Variants in AQP7B observed in about 807,000 individuals in gnomAD.
AQP7B encodes aquaporin 7B.
the AQP7B span, among the ~76,000 whole-genome samples, chr2:94,597,876 A>G: frequency 6.6e-6 from 1 of 152,112 alleles, no homozygotes; most frequent in Non-Finnish European, 1.5e-5. Context: ...AAGTGCTGGG[A>G]TTACAGGCAT....
At chr2:94,590,665 G>A in the AQP7B span, among the ~76,000 whole-genome samples, 2 of 152,078 alleles carry the variant, frequency 1.3e-5, no homozygotes, top group African/African-American at 4.8e-5. Context: ...GTAAGCCACC[G>A]GGCATGGTGG....
chr2:94,602,687 A>G, the AQP7B span: 1 of 1,446,660 alleles, frequency 6.9e-7, no homozygotes, highest in East Asian at 2.3e-5. Flanking sequence ...TGCCCACCTC[A>G]GCCAGCTCCT....
chr2:94,603,351 G>T, the AQP7B span: 1 of 1,580,100 alleles, frequency 6.3e-7, no homozygotes, highest in Middle Eastern at 1.7e-4. Flanking sequence ...TTAGTTGGGG[G>T]CAGGTTCGCA....
chr2:94,594,037 C>A, the AQP7B span, among the ~76,000 whole-genome samples: 1 of 152,154 alleles, frequency 6.6e-6, no homozygotes, highest in East Asian at 1.9e-4. Flanking sequence ...CTACTATGTG[C>A]CTGGCATGGT....
chr2:94,604,489 C>T, the AQP7B span: 18 of 1,610,868 alleles, frequency 1.1e-5, no homozygotes, highest in Non-Finnish European at 1.5e-5. Flanking sequence ...CTCCCCTCAC[C>T]CTCATCTCCG....
At chr2:94,603,076 C>G in the AQP7B span, 1 of 1,592,784 alleles carries the variant, frequency 6.3e-7, no homozygotes, top group Non-Finnish European at 8.6e-7. Context: ...ACTAACTGTG[C>G]GCTGGGCCGC....
At chr2:94,589,168 T>G in the AQP7B span, among the ~76,000 whole-genome samples, 84 of 135,030 alleles carry the variant, frequency 6.2e-4, 1 homozygote, top group Admixed American at 1.0e-3. Flanking sequence ...TTAGTTGTTG[T>G]TTTTTTTTTT....
chr2:94,602,449 G>T, the AQP7B span: 1 of 1,577,934 alleles, frequency 6.3e-7, no homozygotes, highest in Non-Finnish European at 8.6e-7. Flanking sequence ...TCTGAGGTTG[G>T]GGCTTCTGGG....
chr2:94,594,973 C>A, the AQP7B span: 5 of 678,076 alleles, frequency 7.4e-6, no homozygotes, highest in Middle Eastern at 1.1e-3. Context: ...CATTCCTTGC[C>A]TCTGAGCTGG....
the AQP7B span, chr2:94,603,433 G>C: frequency 6.2e-7 from 1 of 1,610,542 alleles, no homozygotes; most frequent in South Asian, 1.1e-5. Context: ...CGGTCCCTTT[G>C]CTACAGCTGG....
the AQP7B span, among the ~76,000 whole-genome samples, chr2:94,590,186 A>AT: frequency 6.6e-6 from 1 of 151,568 alleles, no homozygotes; most frequent in African/African-American, 2.4e-5. Context: ...CTCAACAAAA[A>AT]TTTTTTCTTT....
the AQP7B span, chr2:94,604,598 C>A: frequency 6.5e-6 from 10 of 1,536,020 alleles, no homozygotes; most frequent in African/African-American, 1.1e-4. Flanking sequence ...TGATCCCATC[C>A]CTTCCCCAAT....
At chr2:94,600,037 C>T in the AQP7B span, among the ~76,000 whole-genome samples, 1 of 152,002 alleles carries the variant, frequency 6.6e-6, no homozygotes. Context: ...CACCACCACG[C>T]CTGGCTAATT....
At chr2:94,595,020 G>A in the AQP7B span, 10 of 550,106 alleles carry the variant, frequency 1.8e-5, no homozygotes, top group Middle Eastern at 4.9e-4. Flanking sequence ...AAGGAGTGGG[G>A]GCTTTCTCAT....
the AQP7B span, chr2:94,602,674 T>C: frequency 6.6e-7 from 1 of 1,504,714 alleles, no homozygotes; most frequent in South Asian, 1.2e-5. Flanking sequence ...ACAGGCTCTT[T>C]CCTGCCCACC....
chr2:94,587,710 C>G, the AQP7B span, among the ~76,000 whole-genome samples: 2 of 152,044 alleles, frequency 1.3e-5, no homozygotes, highest in African/African-American at 4.8e-5. Flanking sequence ...ATCAGCAGAC[C>G]ATGGGGGTGG....
the AQP7B span, chr2:94,588,423 G>A: frequency 4.9e-6 from 3 of 611,636 alleles, no homozygotes; most frequent in African/African-American, 5.6e-5. Context: ...CTCCCCTGGG[G>A]ACCAAGGTCT....
chr2:94,601,772 G>T, the AQP7B span, among the ~76,000 whole-genome samples: 5 of 152,088 alleles, frequency 3.3e-5, no homozygotes, highest in Admixed American at 1.3e-4. Context: ...GGAAGGTATG[G>T]GGGAGACGGA....
the AQP7B span, chr2:94,603,633 G>A: frequency 7.6e-7 from 1 of 1,314,372 alleles, no homozygotes; most frequent in African/African-American, 1.5e-5. Context: ...TCTGCTGGTG[G>A]GCTTGGGTCT....
Sources: gnomAD v4.1 joint callset for allele counts (sites outside exome capture counted in the v4.1 genomes callset) on GRCh38, gnomAD v4.1.1 for gene constraint, MANE v1.5 for transcripts, NCBI Gene and HGNC (gene_info 2026-07-23, HGNC 2026-07-21) for gene names.